The following NDFIP2 variants were observed in gnomAD, a reference collection of about 807,000 sequenced individuals.
The protein encoded by NDFIP2 is NEDD4 family-interacting protein 2.
A neutral mutation model predicts 36.0 loss-of-function variants in NDFIP2; 19 were observed. The ratio of observed to expected loss-of-function variants is 0.53; its 90% confidence interval spans 0.37 to 0.77. NDFIP2 has a LOEUF of 0.77. Among genes scored for constraint, NDFIP2 ranks in the 30% least tolerant of loss-of-function variants. The pLI is 0.00. For missense variants in NDFIP2, 446 were observed against 435.8 expected, an observed-to-expected ratio of 1.02 and a Z score of -0.21; for synonymous variants, 181 against 167.7, an observed-to-expected ratio of 1.08 and a Z score of -0.61.
intron 1 of NDFIP2, among the ~76,000 whole-genome samples, chr13:79,495,373 G>A (rs1430831039): frequency 1.3e-5 from 2 of 151,756 alleles, no homozygotes; most frequent in Non-Finnish European, 3.0e-5. Context: ...TCTAAATTCT[G>A]CTCTCTTATG....
At chr13:79,499,860 G>T (rs866266757) in intron 1 of NDFIP2, among the ~76,000 whole-genome samples, 2 of 151,940 alleles carry the variant, frequency 1.3e-5, no homozygotes, top group Middle Eastern at 3.4e-3. Flanking sequence ...GAATATTGAC[G>T]CACAAATTCT....
chr13:79,500,257 G>A (rs1374575734), intron 1 of NDFIP2, among the ~76,000 whole-genome samples: 1 of 151,096 alleles, frequency 6.6e-6, no homozygotes, highest in Non-Finnish European at 1.5e-5. Flanking sequence ...AATGTAAAAG[G>A]CAAAACTATA....
chr13:79,499,913 A>C (rs1485472355), intron 1 of NDFIP2, among the ~76,000 whole-genome samples: 1 of 151,976 alleles, frequency 6.6e-6, no homozygotes, highest in Non-Finnish European at 1.5e-5. Context: ...TAGCCAACTC[A>C]ATATTAAAGG....
intron 1 of NDFIP2, among the ~76,000 whole-genome samples, chr13:79,513,315 C>A (rs1594848400): frequency 6.6e-6 from 1 of 152,212 alleles, no homozygotes; most frequent in East Asian, 1.9e-4. Context: ...AGCATAGTCA[C>A]CAGCAAATAT....
At position 79,481,299 on chromosome 13, in the gene NDFIP2, C is replaced by G. The variant is rs781005596; in HGVS notation, c.96C>G (p.Thr32=). 5.8e-6 allele frequency: 9 copies of G among 1,540,656 alleles called. No homozygotes were observed. The Admixed American group carries it at 5.9e-5, about 10-fold the overall frequency. ...GAPELLRGTA[T]NAEVSAAAAG... ...CGGAGCTTCTCCGCGGAACCGCGAC[C>G]AACGCGGAGGTCTCGGCGGCCGCTG... Residue 32 remains threonine (T), a synonymous_variant, in exon 1 of 8, where the codon ACC becomes ACG. Coordinates refer to ENST00000218652, the MANE Select transcript of NDFIP2 (RefSeq NM_019080.3).
Position 79,552,498 on chromosome 13 carries a change from T to C in NDFIP2, c.*3-18T>C, listed in dbSNP as rs1205098056. The C allele has an allele frequency of 6.6e-6, 1 of 151,900 alleles. No homozygotes were observed. Among genetic ancestry groups the C allele is most frequent in the Non-Finnish European group, 1.5e-5 (1 of 67,490 alleles). The allele number at this position is 151,900 out of a possible 1,614,324, so 9.4% of individuals were successfully genotyped here. ...ACAACTTAATACATTTTAAGACTAA[T>C]TCCTTCTTTGTCTCCAGACTGCATC... On this transcript the variant is annotated intron_variant, in intron 7 of 7. Transcript: ENST00000218652.
At chr13:79,545,666 G>A (rs902896123) in intron 5 of NDFIP2, among the ~76,000 whole-genome samples, 2 of 152,142 alleles carry the variant, frequency 1.3e-5, no homozygotes, top group African/African-American at 4.8e-5. Flanking sequence ...TCTGATGCTG[G>A]TGATGATCTA....
At chr13:79,483,420 A>G (rs1303229408) in intron 1 of NDFIP2, among the ~76,000 whole-genome samples, 2 of 152,194 alleles carry the variant, frequency 1.3e-5, no homozygotes, top group African/African-American at 2.4e-5. Context: ...GACATTTTCA[A>G]TAGACTTTTT....
At chr13:79,544,228 C>T (rs1384023908) in intron 5 of NDFIP2, among the ~76,000 whole-genome samples, 1 of 152,076 alleles carries the variant, frequency 6.6e-6, no homozygotes. Flanking sequence ...AAAGTGAAGG[C>T]CTGTGAAGTG....
At position 79,551,111 on chromosome 13, in the gene NDFIP2, C is replaced by T; in HGVS notation, c.1002C>T (p.Phe334=). The stretch of plus-strand genomic sequence containing the variant: ...CTGCTCATAGAACAAGGTATTTCTT[C>T]TTATTGTAGAGGTAAGAAATATTAA... ...MAAAHRTRYF[F]LL The change falls in exon 7 of 8, where the codon TTC becomes TTT. Residue 334 remains phenylalanine (F), a synonymous_variant. Transcript: ENST00000218652. The T allele has an allele frequency of 6.3e-7, 1 of 1,588,440 alleles. No homozygotes were observed. Among genetic ancestry groups the T allele is most frequent in the Non-Finnish European group, 8.6e-7 (1 of 1,163,860 alleles).
At chr13:79,482,169 C>CTTTCT (rs1555355649) in intron 1 of NDFIP2, among the ~76,000 whole-genome samples, 2 of 75,888 alleles carry the variant, frequency 2.6e-5, no homozygotes, top group Non-Finnish European at 5.0e-5. Flanking sequence ...TTCTTTCTTT[C>CTTTCT]TTTTTTTTTT....
rs17071536 is a variant in NDFIP2, at chr13:79,514,593, C to T, written c.322-6217C>T. Among the ~76,000 whole-genome samples, 536 of 152,278 alleles carry T rather than the reference C, an allele frequency of 3.5e-3. 14 individuals are homozygous for T. In the East Asian group the frequency reaches 0.077, roughly 22 times the overall value. Reference sequence around the variant, plus strand: ...GCTTTCCTCAGAACTTGATTTTAAACTGAAATCTGAACAATATGTAGAGTT... The same window carrying T: ...GCTTTCCTCAGAACTTGATTTTAAATTGAAATCTGAACAATATGTAGAGTT... On this transcript the variant is annotated intron_variant, in intron 1 of 7. Transcript: ENST00000218652.
intron 6 of NDFIP2, 81 bp downstream of exon 6, chr13:79,548,475 A>T: frequency 9.2e-7 from 1 of 1,084,252 alleles, no homozygotes; most frequent in Non-Finnish European, 1.4e-6. Flanking sequence ...GTTGCAATTT[A>T]TGTGGAAATT....
chr13:79,486,653 CTG>C (rs1228697856), intron 1 of NDFIP2, among the ~76,000 whole-genome samples: 2 of 152,200 alleles, frequency 1.3e-5, no homozygotes, highest in Admixed American at 6.5e-5. Context: ...GATCAGCAAA[CTG>C]TGGTCCAACT....
intron 3 of NDFIP2, among the ~76,000 whole-genome samples, chr13:79,535,673 C>T (rs988859388): frequency 2.0e-5 from 3 of 152,076 alleles, no homozygotes; most frequent in African/African-American, 7.2e-5. Flanking sequence ...GCTTCAGCAC[C>T]CTCTTTGTGC....
intron 1 of NDFIP2, among the ~76,000 whole-genome samples, chr13:79,501,005 A>G (rs1439376672): frequency 6.6e-6 from 1 of 152,114 alleles, no homozygotes; most frequent in Non-Finnish European, 1.5e-5. Flanking sequence ...TGAGCTATCC[A>G]ACTACAAAAA....
Position 79,539,856 on chromosome 13 carries a change from C to T in NDFIP2, c.715+81C>T, listed in dbSNP as rs939600300. The T allele has an allele frequency of 1.2e-5, 14 of 1,145,776 alleles. No homozygotes were observed. In the African/African-American group the frequency reaches 2.2e-4, roughly 18 times the overall value. The allele number at this position is 1,145,776 out of a possible 1,614,324, so 71.0% of individuals were successfully genotyped here. On this transcript the variant is annotated intron_variant, in intron 4 of 7. Transcript: ENST00000218652. ...ATTAAAGTAACATAGTGAAGAGAAG[C>T]AAATATTGTTAGCATATGTCTACCT... is the stretch of plus-strand genomic sequence containing the variant.
At chr13:79,524,436 A>C (rs934182188) in intron 2 of NDFIP2, among the ~76,000 whole-genome samples, 5 of 152,190 alleles carry the variant, frequency 3.3e-5, no homozygotes, top group Non-Finnish European at 1.5e-5. Flanking sequence ...GTATTATGTC[A>C]TGTTAGGGGC....
At chr13:79,522,556 C>T (rs2137088443) in intron 2 of NDFIP2, among the ~76,000 whole-genome samples, 1 of 152,306 alleles carries the variant, frequency 6.6e-6, no homozygotes, top group Non-Finnish European at 1.5e-5. Context: ...GTGGACTGGA[C>T]TGAACTATGC....
Sources: allele counts gnomAD v4.1 joint callset (sites outside exome capture counted in the v4.1 genomes callset), GRCh38; gene constraint gnomAD v4.1.1; transcripts MANE v1.5; gene names NCBI Gene and HGNC (gene_info 2026-07-23, HGNC 2026-07-21).